LRRC41: variants seen among roughly 807,000 people sequenced by gnomAD.
The protein encoded by LRRC41 is leucine-rich repeat-containing protein 41.
A neutral mutation model predicts 72.1 loss-of-function variants in LRRC41; 17 were observed. The observed-to-expected ratio is 0.24, with a 90% confidence interval of 0.16 to 0.35. The LOEUF (loss-of-function observed/expected upper bound fraction) is 0.35, where lower values mean the gene tolerates loss of function less well. LRRC41 is among the 10% of genes least tolerant of loss of function. The pLI, the probability that LRRC41 is intolerant of heterozygous loss-of-function variation, is 1.00. For missense variants in LRRC41, 759 were observed against 1,065.0 expected (o/e 0.71, Z 4.00); for synonymous variants, 427 against 431.0 (o/e 0.99, Z 0.11).
rs760838313 is a variant in LRRC41 at position 46,279,136 on chromosome 1, A to G, written c.2219+46T>C. The G allele has an allele frequency of 3.1e-5, 50 of 1,611,832 alleles. No homozygotes were observed. The highest frequency in any genetic ancestry group is 1.3e-4 in the African/African-American group (10 of 74,882). ...CCAGGAAGCAGTGAATTCCTGGTCT[A>G]TATCTCTGTAGCCCCATCCCTTGTC... On this transcript the variant is annotated intron_variant, in intron 9 of 9. Transcript: ENST00000617190. This position sits in a 1 kb window ranked among gnomAD's most constrained non-coding sequence, Gnocchi z 4.5.
intron 5 of LRRC41, 26 bp downstream of exon 5, chr1:46,281,099 A>G (rs759426818): frequency 1.9e-6 from 3 of 1,611,816 alleles, no homozygotes; most frequent in Non-Finnish European, 2.5e-6. Flanking sequence ...GCGTGCACAC[A>G]CACAAACACA....
rs528675214 is a variant in LRRC41 at position 46,303,034 on chromosome 1, C to T, written c.199+90G>A. 4.1e-5 allele frequency: 55 copies of T among 1,343,006 alleles called. No individual in the cohort carries two copies. The South Asian group carries it at 9.5e-4, about 23-fold the overall frequency. 83.2% of individuals were successfully genotyped at this position (1,343,006 alleles called of 1,614,324 possible). A position where few individuals can be genotyped will look rare whatever the true frequency, so the allele number is the denominator to read the frequency against. On this transcript the variant is annotated intron_variant, in intron 1 of 9. Coordinates refer to ENST00000617190, the MANE Select transcript of LRRC41 (RefSeq NM_006369.5). ...TCAGCGCCCCAGGCTGGGCCTTGCC[C>T]CGGGCCTCCCGGCCTCGCCCCCCGC...
At chr1:46,290,502 T>C (rs1660984664) in intron 3 of LRRC41, among the ~76,000 whole-genome samples, 1 of 152,234 alleles carries the variant, frequency 6.6e-6, no homozygotes, top group Non-Finnish European at 1.5e-5. Flanking sequence ...CAGTTTCAAA[T>C]GCTGGGCTTT....
chr1:46,301,649 T>C (rs905765435), intron 1 of LRRC41, among the ~76,000 whole-genome samples: 1 of 151,722 alleles, frequency 6.6e-6, no homozygotes, highest in Non-Finnish European at 1.5e-5. Flanking sequence ...CAGGGCCTTT[T>C]CCCCACACCC....
chr1:46,300,282 A>G (rs948859285), intron 1 of LRRC41: 1 of 152,168 alleles, frequency 6.6e-6, no homozygotes, highest in Non-Finnish European at 1.5e-5. Flanking sequence ...CAGTGAGCTG[A>G]TATCATGCCA....
chr1:46,299,981 CATA>C (rs1661192342), intron 1 of LRRC41: 1 of 152,176 alleles, frequency 6.6e-6, no homozygotes, highest in South Asian at 2.1e-4. Context: ...AATGCCCAGC[CATA>C]ATAAGCTCGC....
intron 3 of LRRC41, among the ~76,000 whole-genome samples, chr1:46,288,240 C>G (rs1660925175): frequency 6.6e-6 from 1 of 152,066 alleles, no homozygotes. Context: ...GGTACCAGAC[C>G]CCAAAGTTTC....
In LRRC41 at chr1:46,278,644, C is replaced by T. The variant is rs1176783181; in HGVS notation, c.*221G>A. 19 of 612,112 alleles carry T rather than the reference C, an allele frequency of 3.1e-5. No homozygotes were observed. Among genetic ancestry groups the T allele is most frequent in the Non-Finnish European group, 4.9e-5 (17 of 349,736 alleles). 37.9% of individuals were successfully genotyped at this position (612,112 alleles called of 1,614,324 possible). On this transcript the variant is annotated 3_prime_UTR_variant, in exon 10 of 10. Transcript: ENST00000617190. Reference sequence around the variant, plus strand: ...CTCCTGGCCCAGGGTTCCCAGGATACTGAGTAAGGGGCCCAAAGACTATAA... The same window carrying T: ...CTCCTGGCCCAGGGTTCCCAGGATATTGAGTAAGGGGCCCAAAGACTATAA...
chr1:46,285,514 A>G lies in LRRC41; in HGVS notation c.1343T>C (p.Leu448Pro). 7.4e-6 allele frequency: 12 copies of G among 1,614,160 alleles called. No homozygotes were observed. Among genetic ancestry groups the G allele is most frequent in the Non-Finnish European group, 9.3e-6 (11 of 1,180,034 alleles). The change falls in exon 4 of 10, where the codon CTG becomes CCG. Residue 448 changes from leucine (L) to proline (P), a missense_variant. By Grantham distance (98) the Leu-to-Pro change is moderately conservative (BLOSUM62 -3). Transcript: ENST00000617190. This position sits in a 1 kb window ranked among gnomAD's most constrained non-coding sequence, Gnocchi z 5.3. Reference protein sequence around the residue: ...GALDGSDPSCLGLPALEASQR... With the variant: ...GALDGSDPSCPGLPALEASQR... Reference sequence around the variant, plus strand: ...TGAAGCTTCCAGTGCTGGAAGCCCCAGGCAGCTGGGATCTGATCCATCCAA... The same window carrying G: ...TGAAGCTTCCAGTGCTGGAAGCCCCGGGCAGCTGGGATCTGATCCATCCAA...
chr1:46,280,106 A>G, intron 7 of LRRC41, 86 bp downstream of exon 7: 1 of 1,041,312 alleles, frequency 9.6e-7, no homozygotes, highest in Non-Finnish European at 1.5e-6. Context: ...CAAGGCCAAG[A>G]AAGGAACAGT....
At chr1:46,283,382 G>T (rs905019553) in intron 4 of LRRC41, among the ~76,000 whole-genome samples, 3 of 152,208 alleles carry the variant, frequency 2.0e-5, no homozygotes, top group African/African-American at 7.2e-5. Context: ...ACTGTAGGAG[G>T]CCGAGGTTGG....
At position 46,278,283 on chromosome 1, in the gene LRRC41, T is replaced by A. The variant is rs767267966; in HGVS notation, c.*582A>T. ...TGAGGAGCAGCGGGGCCTCCGCTGATAACCAGCTGGTCTGGGTGTAGCTCT... is the reference window on the plus strand; with the variant it reads ...TGAGGAGCAGCGGGGCCTCCGCTGAAAACCAGCTGGTCTGGGTGTAGCTCT... On this transcript the variant is annotated 3_prime_UTR_variant, in exon 10 of 10. Coordinates refer to ENST00000617190, the MANE Select transcript of LRRC41 (RefSeq NM_006369.5). 1.9e-6 allele frequency: 3 copies of A among 1,610,546 alleles called. No individual in the cohort carries two copies. The South Asian group carries it at 3.3e-5, about 18-fold the overall frequency.
At chr1:46,293,142 C>G (rs1158216352) in intron 3 of LRRC41, among the ~76,000 whole-genome samples, 1 of 151,704 alleles carries the variant, frequency 6.6e-6, no homozygotes, top group Non-Finnish European at 1.5e-5. Flanking sequence ...TGAGATCGCA[C>G]CACTGCACTC....
At chr1:46,283,643 G>T (rs931654279) in intron 4 of LRRC41, among the ~76,000 whole-genome samples, 1 of 152,096 alleles carries the variant, frequency 6.6e-6, no homozygotes, top group African/African-American at 2.4e-5. Context: ...GGATGAAATT[G>T]TCCAAGAAGC....
In LRRC41 at chr1:46,286,090, G is replaced by C. The variant is rs780035132; in HGVS notation, c.767C>G (p.Pro256Arg). Residue 256 changes from proline to arginine, a missense_variant, in exon 4 of 10, where the codon CCA (proline) becomes CGA (arginine). Pro to Arg is a moderately radical substitution (Grantham distance 103). Around this residue, in one of 4 missense-constraint regions of LRRC41, gnomAD observed 427 missense variants for 520.9 expected, o/e 0.82. Transcript: ENST00000617190. This position sits in a 1 kb window ranked among gnomAD's most constrained non-coding sequence, Gnocchi z 5.5. The stretch of plus-strand genomic sequence containing the variant: ...GCGGCAGGGTGGGCCACCAGGCCCT[G>C]GTTGCCAGAAGCCAGCACTCATGGT... ...ILTMSAGFWQPGPGGPPCRLC... is the reference protein window; with the variant it reads ...ILTMSAGFWQRGPGGPPCRLC... 3.1e-5 allele frequency: 50 copies of C among 1,611,804 alleles called. No homozygotes were observed. The highest frequency in any genetic ancestry group is 3.8e-5 in the Non-Finnish European group (45 of 1,178,124).
In LRRC41 at chr1:46,279,276, C is replaced by T. The variant is rs80061563; in HGVS notation, c.2144-19G>A. ...GCATTCCCTGGAGAGAAGGGGAGAA[C>T]GCCTATCACCTCCACCCAAGAACAG... On this transcript the variant is annotated intron_variant, in intron 8 of 9. Transcript: ENST00000617190. This position sits in a 1 kb window ranked among gnomAD's most constrained non-coding sequence, Gnocchi z 4.5. 4.3e-6 allele frequency: 7 copies of T among 1,612,824 alleles called. No homozygotes were observed. Among genetic ancestry groups the T allele is most frequent in the East Asian group, 4.5e-5 (2 of 44,858 alleles).
intron 3 of LRRC41, among the ~76,000 whole-genome samples, chr1:46,289,901 G>A (rs1438731972): frequency 6.6e-6 from 1 of 152,228 alleles, no homozygotes; most frequent in Admixed American, 6.5e-5. Flanking sequence ...TAAGGGAAAT[G>A]AGGCATGATC....
At position 46,303,335 on chromosome 1, in the gene LRRC41, C is replaced by T; in HGVS notation, c.-13G>A. 4.7e-6 allele frequency: 7 copies of T among 1,503,452 alleles called. No individual in the cohort carries two copies. The highest frequency in any genetic ancestry group is 2.5e-5 in the South Asian group (2 of 79,516). 93.1% of individuals were successfully genotyped at this position (1,503,452 alleles called of 1,614,324 possible). On this transcript the variant is annotated 5_prime_UTR_variant, in exon 1 of 10. Transcript: ENST00000617190. ...CGGGCGCCGCCATCTTGGGGAGGTG[C>T]GCGAGCCCGAGAGTGTCGCCCGCGG... is the stretch of plus-strand genomic sequence containing the variant.
Position 46,302,064 on chromosome 1 carries a change from G to GC in LRRC41, c.199+1059dup. ...CGCGGCCAGCGGTCCCCAACCCACA[G>GC]CCCCGCCTCCCAGCCCAACTGGCCG... is the stretch of plus-strand genomic sequence containing the variant. On this transcript the variant is annotated intron_variant, in intron 1 of 9. Transcript: ENST00000617190. This position sits in a 1 kb window ranked among gnomAD's most constrained non-coding sequence, Gnocchi z 4.7. The GC allele has an allele frequency of 1.0e-6, 1 of 985,308 alleles. No individual in the cohort carries two copies. Among genetic ancestry groups the GC allele is most frequent in the Non-Finnish European group, 1.2e-6 (1 of 829,890 alleles). 61.0% of individuals were successfully genotyped at this position (985,308 alleles called of 1,614,324 possible).
Sources: allele counts gnomAD v4.1 joint callset (sites outside exome capture counted in the v4.1 genomes callset), GRCh38; gene constraint gnomAD v4.1.1; regional missense constraint gnomAD v4.1.1; non-coding constraint Gnocchi (gnomAD v3.1); transcripts MANE v1.5; gene names NCBI Gene and HGNC (gene_info 2026-07-23, HGNC 2026-07-21).